GDF15: variants seen among roughly 807,000 people sequenced by gnomAD.
GDF15 encodes growth differentiation factor 15.
GDF15 carries 10 observed loss-of-function variants against 8.9 expected under a neutral mutation model. The observed-to-expected ratio is 1.12, with a 90% CI of 0.69 to 1.90. The LOEUF is 1.90. Ranked by LOEUF, GDF15 falls within the 40% of genes most tolerant of loss-of-function variation. The probability of loss-of-function intolerance (pLI) is 0.00; values close to 1 mark genes in which losing one functional copy is unlikely to be tolerated. For synonymous variants in GDF15, 228 were observed against 210.6 expected (o/e 1.08, Z -0.72); for missense variants, 452 against 434.2 (o/e 1.04, Z -0.36).
rs1439474002 is a variant in GDF15, at chr19:18,386,928, C to T, written c.277+462C>T. The T allele has an allele frequency of 4.0e-5, 7 of 173,956 alleles. No homozygotes were observed. In the East Asian group the frequency reaches 1.1e-3, roughly 27 times the overall value. 10.8% of individuals were successfully genotyped at this position (173,956 alleles called of 1,614,324 possible). ...AAGGCACTGCTAAAGTCACATGCAA[C>T]GAGCGACTTGTTAGGGGAGGAGGAG... On this transcript the variant is annotated intron_variant, in intron 1 of 1. Coordinates refer to ENST00000252809, the MANE Select transcript of GDF15 (RefSeq NM_004864.4).
chr19:18,388,345 G>A lies in GDF15; in HGVS notation c.337G>A (p.Gly113Arg). The A allele has an allele frequency of 6.2e-7, 1 of 1,611,406 alleles. No individual in the cohort carries two copies. Among genetic ancestry groups the A allele is most frequent in the African/African-American group, 1.3e-5 (1 of 74,992 alleles). ...TATCTCTCGGGCCGCCCTTCCCGAG[G>A]GGCTCCCCGAGGCCTCCCGCCTTCA... The part of the protein sequence containing the change: ...LRISRAALPE[G>R]LPEASRLHRA... Residue 113 changes from glycine (G) to arginine (R), a missense_variant, in exon 2 of 2, where the codon GGG (glycine) becomes AGG (arginine). Physicochemically the swap from Gly to Arg is moderately radical, Grantham distance 125. Transcript: ENST00000252809. The surrounding 1 kb of genome is among the most constrained non-coding windows in gnomAD (Gnocchi z 4.2).
chr19:18,388,174 G>A lies in GDF15; in HGVS notation c.278-112G>A. The stretch of plus-strand genomic sequence containing the variant: ...GGTAGGGGAAATAACTTGTGCAAAG[G>A]CGCCGCCGCCGTGGTGAGATCCAGC... On this transcript the variant is annotated intron_variant, in intron 1 of 1. Coordinates refer to ENST00000252809, the MANE Select transcript of GDF15 (RefSeq NM_004864.4). This position sits in a 1 kb window ranked among gnomAD's most constrained non-coding sequence, Gnocchi z 4.2. 1 of 955,304 alleles carries A rather than the reference G, an allele frequency of 1.0e-6. No individual in the cohort carries two copies. The highest frequency in any genetic ancestry group is 1.6e-6 in the Non-Finnish European group (1 of 637,650). 59.2% of individuals were successfully genotyped at this position (955,304 alleles called of 1,614,324 possible). A position where few individuals can be genotyped will look rare whatever the true frequency, so the allele number is the denominator to read the frequency against.
At chr19:18,386,571 GC>G in intron 1 of GDF15, 105 bp downstream of exon 1, 1 of 966,434 alleles carries the variant, frequency 1.0e-6, no homozygotes, top group Non-Finnish European at 1.5e-6. Flanking sequence ...AGCCTCAGTT[GC>G]CCCATCTGTG....
rs753738649 is a variant in GDF15, at chr19:18,386,424, G to A, written c.235G>A (p.Asp79Asn). Residue 79 changes from aspartate to asparagine, a missense_variant, in exon 1 of 2, where the codon GAC becomes AAC. Physicochemically the swap from Asp to Asn is conservative, Grantham distance 23 (BLOSUM62 1). Coordinates refer to ENST00000252809, the MANE Select transcript of GDF15 (RefSeq NM_004864.4). ...CCAGAGCTGGGAAGATTCGAACACC[G>A]ACCTCGTCCCGGCCCCTGCAGTCCG... ...ANQSWEDSNT[D>N]LVPAPAVRIL... is the part of the protein sequence containing the mutation. 1.2e-6 allele frequency: 2 copies of A among 1,613,590 alleles called. No individual in the cohort carries two copies. Among genetic ancestry groups the A allele is most frequent in the East Asian group, 2.2e-5 (1 of 44,878 alleles).
rs779393592 is a variant in GDF15, at chr19:18,386,271, G to A, written c.82G>A (p.Gly28Ser). Reference sequence around the variant, plus strand: ...GGTGCTCTCGTGGCTGCCGCATGGGGGCGCCCTGTCTCTGGCCGAGGCGAG... The same window carrying A: ...GGTGCTCTCGTGGCTGCCGCATGGGAGCGCCCTGTCTCTGGCCGAGGCGAG... ...LLVLSWLPHG[G>S]ALSLAEASRA... The change falls in exon 1 of 2, where the codon GGC becomes AGC. Residue 28 changes from glycine (G) to serine (S), a missense_variant. Coordinates refer to ENST00000252809, the MANE Select transcript of GDF15 (RefSeq NM_004864.4). The A allele has an allele frequency of 2.5e-6, 4 of 1,614,002 alleles. No individual in the cohort carries two copies. The highest frequency in any genetic ancestry group is 1.7e-5 in the Admixed American group (1 of 60,012).
chr19:18,386,212 C>T lies in GDF15; in HGVS notation c.23C>T (p.Thr8Met), dbSNP rs772697815. 2 of 1,612,420 alleles carry T rather than the reference C, an allele frequency of 1.2e-6. No individual in the cohort carries two copies. The highest frequency in any genetic ancestry group is 1.1e-5 in the South Asian group (1 of 91,008). The change falls in exon 1 of 2, where the codon ACG (threonine) becomes ATG (methionine). Residue 8 changes from threonine (T) to methionine (M), a missense_variant. Thr to Met is a moderately conservative substitution (Grantham distance 81). Coordinates refer to ENST00000252809, the MANE Select transcript of GDF15 (RefSeq NM_004864.4). The stretch of plus-strand genomic sequence containing the variant: ...GCCATGCCCGGGCAAGAACTCAGGA[C>T]GGTGAATGGCTCTCAGATGCTCCTG... MPGQELR[T>M]VNGSQMLLVL...
rs760121803 is a variant in GDF15 at position 18,388,858 on chromosome 19, C to T, written c.850C>T (p.Leu284Phe). Residue 284 changes from leucine to phenylalanine, a missense_variant, in exon 2 of 2, where the codon CTC becomes TTC. Transcript: ENST00000252809. This position sits in a 1 kb window ranked among gnomAD's most constrained non-coding sequence, Gnocchi z 4.2. ...GCCCGCCAGCTACAATCCCATGGTG[C>T]TCATTCAAAAGACCGACACCGGGGT... The part of the protein sequence containing the change: ...CVPASYNPMV[L>F]IQKTDTGVSL... 1 of 1,612,182 alleles carries T rather than the reference C, an allele frequency of 6.2e-7. No individual in the cohort carries two copies. The highest frequency in any genetic ancestry group is 8.5e-7 in the Non-Finnish European group (1 of 1,179,848).
At position 18,388,375 on chromosome 19, in the gene GDF15, G is replaced by C. The variant is rs999689035; in HGVS notation, c.367G>C (p.Ala123Pro). 5 of 1,611,740 alleles carry C rather than the reference G, an allele frequency of 3.1e-6. No homozygotes were observed. The highest frequency in any genetic ancestry group is 1.7e-4 in the Middle Eastern group (1 of 5,774). ...CCCCGAGGCCTCCCGCCTTCACCGG[G>C]CTCTGTTCCGGCTGTCCCCGACGGC... is the stretch of plus-strand genomic sequence containing the variant. ...GLPEASRLHR[A>P]LFRLSPTASR... The change falls in exon 2 of 2, where the codon GCT becomes CCT. Residue 123 changes from alanine to proline, a missense_variant. Physicochemically the swap from Ala to Pro is conservative, Grantham distance 27. Transcript: ENST00000252809. This position sits in a 1 kb window ranked among gnomAD's most constrained non-coding sequence, Gnocchi z 4.2.
chr19:18,388,890 C>G lies in GDF15; in HGVS notation c.882C>G (p.Leu294=), dbSNP rs779481097. The G allele has an allele frequency of 6.2e-7, 1 of 1,611,314 alleles. No individual in the cohort carries two copies. The highest frequency in any genetic ancestry group is 8.5e-7 in the Non-Finnish European group (1 of 1,179,700). ...AAAAGACCGACACCGGGGTGTCGCT[C>G]CAGACCTATGATGACTTGTTAGCCA... ...LIQKTDTGVS[L]QTYDDLLAKD... Residue 294 remains leucine (L), a synonymous_variant, in exon 2 of 2, where the codon CTC becomes CTG. Transcript: ENST00000252809. This position sits in a 1 kb window ranked among gnomAD's most constrained non-coding sequence, Gnocchi z 4.2.
rs1199254680 is a variant in GDF15, at chr19:18,386,183, C to T, written c.-7C>T. The T allele has an allele frequency of 2.5e-6, 4 of 1,608,920 alleles. No homozygotes were observed. Among genetic ancestry groups the T allele is most frequent in the East Asian group, 4.5e-5 (2 of 44,824 alleles). On this transcript the variant is annotated 5_prime_UTR_variant, in exon 1 of 2. Transcript: ENST00000252809. ...AGTCCCAGCTCAGAGCCGCAACCTGCACAGCCATGCCCGGGCAAGAACTCA... is the reference window on the plus strand; with the variant it reads ...AGTCCCAGCTCAGAGCCGCAACCTGTACAGCCATGCCCGGGCAAGAACTCA...
Position 18,386,728 on chromosome 19 carries a change from G to A in GDF15, c.277+262G>A, listed in dbSNP as rs1014197432. 19 of 529,474 alleles carry A rather than the reference G, an allele frequency of 3.6e-5. No individual in the cohort carries two copies. In the Admixed American group the frequency reaches 5.8e-4, roughly 16 times the overall value. The allele number at this position is 529,474 out of a possible 1,614,324, so 32.8% of individuals were successfully genotyped here. ...AGGGATGCCAGGGACCCTCCTGAATGTGCACAGCACCTGGGAAACCCGGGG... is the reference window on the plus strand; with the variant it reads ...AGGGATGCCAGGGACCCTCCTGAATATGCACAGCACCTGGGAAACCCGGGG... On this transcript the variant is annotated intron_variant, in intron 1 of 1. Transcript: ENST00000252809.
intron 1 of GDF15, among the ~76,000 whole-genome samples, chr19:18,387,870 G>A (rs1971849533): frequency 7.6e-6 from 1 of 131,034 alleles, no homozygotes; most frequent in African/African-American, 3.0e-5. Flanking sequence ...TGCCCAGGCT[G>A]GAGTGCAGTG....
chr19:18,388,706 G>T lies in GDF15; in HGVS notation c.698G>T (p.Arg233Leu). The T allele has an allele frequency of 6.2e-7, 1 of 1,608,746 alleles. No homozygotes were observed. Among genetic ancestry groups the T allele is most frequent in the South Asian group, 1.1e-5 (1 of 91,020 alleles). Reference protein sequence around the residue: ...LGWADWVLSPREVQVTMCIGA... With the variant: ...LGWADWVLSPLEVQVTMCIGA... ...TGGGCCGATTGGGTGCTGTCGCCAC[G>T]GGAGGTGCAAGTGACCATGTGCATC... Residue 233 changes from arginine to leucine, a missense_variant, in exon 2 of 2, where the codon CGG becomes CTG. Arg to Leu is a moderately radical substitution (Grantham distance 102). Transcript: ENST00000252809. This position sits in a 1 kb window ranked among gnomAD's most constrained non-coding sequence, Gnocchi z 4.2.
At chr19:18,387,244 C>T (rs1369699430) in intron 1 of GDF15, among the ~76,000 whole-genome samples, 1 of 152,216 alleles carries the variant, frequency 6.6e-6, no homozygotes, top group East Asian at 1.9e-4. Flanking sequence ...ATGGGTTTGG[C>T]ACTCTTCATT....
Position 18,388,440 on chromosome 19 carries a change from G to A in GDF15, c.432G>A (p.Gln144=), listed in dbSNP as rs779963911. Residue 144 remains glutamine (Q), a synonymous_variant, in exon 2 of 2, where the codon CAG becomes CAA. Coordinates refer to ENST00000252809, the MANE Select transcript of GDF15 (RefSeq NM_004864.4). This position sits in a 1 kb window ranked among gnomAD's most constrained non-coding sequence, Gnocchi z 4.2. ...SWDVTRPLRR[Q]LSLARPQAPA... ...ACGTGACACGACCGCTGCGGCGTCA[G>A]CTCAGCCTTGCAAGACCCCAGGCGC... The A allele has an allele frequency of 1.2e-6, 2 of 1,609,956 alleles. No homozygotes were observed.
At position 18,388,258 on chromosome 19, in the gene GDF15, A is replaced by G; in HGVS notation, c.278-28A>G. On this transcript the variant is annotated intron_variant, in intron 1 of 1. Coordinates refer to ENST00000252809, the MANE Select transcript of GDF15 (RefSeq NM_004864.4). This position sits in a 1 kb window ranked among gnomAD's most constrained non-coding sequence, Gnocchi z 4.2. ...CTGGAAAACGGTAGGCCTGTGGGTG[A>G]CCAGCTTCCCTATCTGTCTTCCCAC... 6.2e-7 allele frequency: 1 copy of G among 1,601,880 alleles called. No homozygotes were observed. Among genetic ancestry groups the G allele is most frequent in the Non-Finnish European group, 8.5e-7 (1 of 1,173,516 alleles).
chr19:18,386,429 C>A lies in GDF15; in HGVS notation c.240C>A (p.Leu80=). ...NQSWEDSNTD[L]VPAPAVRILT... Reference sequence around the variant, plus strand: ...GCTGGGAAGATTCGAACACCGACCTCGTCCCGGCCCCTGCAGTCCGGATAC... The same window carrying A: ...GCTGGGAAGATTCGAACACCGACCTAGTCCCGGCCCCTGCAGTCCGGATAC... Residue 80 remains leucine (L), a synonymous_variant, in exon 1 of 2, where the codon CTC becomes CTA. Coordinates refer to ENST00000252809, the MANE Select transcript of GDF15 (RefSeq NM_004864.4). 2 of 1,613,528 alleles carry A rather than the reference C, an allele frequency of 1.2e-6. No homozygotes were observed. The highest frequency in any genetic ancestry group is 4.5e-5 in the East Asian group (2 of 44,886).
At chr19:18,386,812 A>G (rs1971836889) in intron 1 of GDF15, 1 of 298,884 alleles carries the variant, frequency 3.3e-6, no homozygotes, top group Non-Finnish European at 6.4e-6. Context: ...CCAGGATCCA[A>G]GAGAAACAAT....
chr19:18,387,813 CTTTTTTTTTTTTTTTTTT>C (rs538473844), intron 1 of GDF15, among the ~76,000 whole-genome samples: 1 of 70,354 alleles, frequency 1.4e-5, no homozygotes, highest in East Asian at 4.1e-4. Context: ...GAGAAATGCC[CTTTTTTTTTTTTTTTTTT>C]TTTTTTTTGA....
Sources: gnomAD v4.1 joint callset for allele counts (sites outside exome capture counted in the v4.1 genomes callset) on GRCh38, gnomAD v4.1.1 for gene constraint, Gnocchi (gnomAD v3.1) non-coding constraint, MANE v1.5 for transcripts, NCBI Gene and HGNC (gene_info 2026-07-23, HGNC 2026-07-21) for gene names.